The following SERPINA9 variants were observed in gnomAD, a reference collection of about 807,000 sequenced individuals.
SERPINA9 encodes the protein serpin A9.
A neutral mutation model predicts 24.5 loss-of-function variants in SERPINA9; 32 were observed. That is an observed-to-expected ratio of 1.30 (90% CI 0.98 to 1.75). The LOEUF (loss-of-function observed/expected upper bound fraction) is 1.75, where lower values mean the gene tolerates loss of function less well. Ranked by LOEUF, SERPINA9 falls within the 40% of genes most tolerant of loss-of-function variation. The pLI, the probability that SERPINA9 is intolerant of heterozygous loss-of-function variation, is 0.00. For synonymous variants in SERPINA9, 233 were observed against 197.7 expected (o/e 1.18, Z -1.50); for missense variants, 594 against 497.1 (o/e 1.19, Z -1.85).
At chr14:94,464,131 A>G (rs993437616) in intron 4 of SERPINA9, among the ~76,000 whole-genome samples, 11 of 152,154 alleles carry the variant, frequency 7.2e-5, no homozygotes, top group Non-Finnish European at 2.9e-5. Flanking sequence ...TAAAAGGGGC[A>G]CTCATAGCTC....
chr14:94,469,573 T>C lies in SERPINA9; in HGVS notation c.268A>G (p.Thr90Ala). 1 of 1,614,056 alleles carries C rather than the reference T, an allele frequency of 6.2e-7. No homozygotes were observed. Among genetic ancestry groups the C allele is most frequent in the Non-Finnish European group, 8.5e-7 (1 of 1,179,992 alleles). ...AMLSLGAHSV[T>A]KTQILQGLGF... ...AGGCCCTGGAGAATCTGGGTCTTGGTGACTGAGTGGGCCCCAAGGGAGAGC... is the reference window on the plus strand; with the variant it reads ...AGGCCCTGGAGAATCTGGGTCTTGGCGACTGAGTGGGCCCCAAGGGAGAGC... Residue 90 changes from threonine (T) to alanine (A), a missense_variant, in exon 2 of 5, where the codon ACC becomes GCC. Coordinates refer to ENST00000674397, the MANE Select transcript of SERPINA9 (RefSeq NM_175739.4).
At chr14:94,464,010 G>C (rs556864984) in intron 4 of SERPINA9, among the ~76,000 whole-genome samples, 2 of 152,246 alleles carry the variant, frequency 1.3e-5, no homozygotes, top group East Asian at 3.9e-4. Context: ...TTTAGGTCAG[G>C]GATCAGTAAC....
intron 4 of SERPINA9, among the ~76,000 whole-genome samples, chr14:94,463,914 C>G (rs951236555): frequency 5.3e-5 from 8 of 152,202 alleles, no homozygotes; most frequent in Admixed American, 3.3e-4. Context: ...AGTGGGGCCT[C>G]TCAACATTTT....
At chr14:94,466,563 GC>G (rs1483948870) in intron 3 of SERPINA9, among the ~76,000 whole-genome samples, 1 of 152,088 alleles carries the variant, frequency 6.6e-6, no homozygotes, top group Non-Finnish European at 1.5e-5. Context: ...TAATCTTTTT[GC>G]TATTCTCCAT....
At chr14:94,470,063 G>T (rs1417145273) in intron 1 of SERPINA9, 4 of 660,934 alleles carry the variant, frequency 6.1e-6, no homozygotes, top group Non-Finnish European at 6.6e-6. Context: ...GAGTAAACAG[G>T]CCACAGAGAG....
At chr14:94,464,935 A>G in intron 3 of SERPINA9, 81 bp from the exon 4 acceptor site, 1 of 1,214,454 alleles carries the variant, frequency 8.2e-7, no homozygotes, top group Non-Finnish European at 1.1e-6. Flanking sequence ...ATTTTGGGAG[A>G]CTCCGTTCTT....
chr14:94,476,151 T>G lies in SERPINA9; in HGVS notation c.-33A>C, dbSNP rs768580405. 1.2e-6 allele frequency: 2 copies of G among 1,614,094 alleles called. No individual in the cohort carries two copies. The highest frequency in any genetic ancestry group is 2.7e-5 in the African/African-American group (2 of 74,930). On this transcript the variant is annotated 5_prime_UTR_variant, in exon 1 of 5. Coordinates refer to ENST00000674397, the MANE Select transcript of SERPINA9 (RefSeq NM_175739.4). ...CCTTACCCACCTTTGCAGGTTCCTC[T>G]TCTCCTGCCCTGTCCTTGCATGGTT...
intron 2 of SERPINA9, 22 bp downstream of exon 2, chr14:94,469,191 A>T: frequency 6.3e-7 from 1 of 1,581,846 alleles, no homozygotes; most frequent in Non-Finnish European, 8.6e-7. Flanking sequence ...AATAAATAAA[A>T]ATCAACTTCT....
At chr14:94,468,706 A>G (rs530442848) in intron 2 of SERPINA9, among the ~76,000 whole-genome samples, 1 of 152,208 alleles carries the variant, frequency 6.6e-6, no homozygotes, top group Non-Finnish European at 1.5e-5. Context: ...CTACATCTAT[A>G]TCTATATCTA....
chr14:94,465,944 C>G (rs907770663), intron 3 of SERPINA9, among the ~76,000 whole-genome samples: 1 of 152,158 alleles, frequency 6.6e-6, no homozygotes, highest in Non-Finnish European at 1.5e-5. Flanking sequence ...CTCACAGCAA[C>G]GAAAGCACAA....
At chr14:94,475,676 C>T (rs561620596) in intron 1 of SERPINA9, among the ~76,000 whole-genome samples, 3 of 152,252 alleles carry the variant, frequency 2.0e-5, no homozygotes, top group South Asian at 2.1e-4. Context: ...AGTATCTCTT[C>T]TCTCCATCTC....
At chr14:94,471,872 G>A (rs2139817318) in intron 1 of SERPINA9, among the ~76,000 whole-genome samples, 1 of 152,040 alleles carries the variant, frequency 6.6e-6, no homozygotes, top group South Asian at 2.1e-4. Context: ...GCAAGCCCCA[G>A]CTTCTCTCCA....
Position 94,463,122 on chromosome 14 carries a change from C to T in SERPINA9, c.1225G>A (p.Gly409Arg), listed in dbSNP as rs1898819074. The change falls in exon 5 of 5, where the codon GGG becomes AGG. Residue 409 changes from glycine (G) to arginine (R), a missense_variant. Physicochemically the swap from Gly to Arg is moderately radical, Grantham distance 125. Transcript: ENST00000674397. ...NKATDGILFL[G>R]KVENPTKS is the part of the protein sequence containing the mutation. ...GATTTAGTGGGATTTTCCACTTTCCCTAGAAAGAGAATACCGTCTGTGGCT... is the reference window on the plus strand; with the variant it reads ...GATTTAGTGGGATTTTCCACTTTCCTTAGAAAGAGAATACCGTCTGTGGCT... 3 of 1,614,170 alleles carry T rather than the reference C, an allele frequency of 1.9e-6. No homozygotes were observed. Among genetic ancestry groups the T allele is most frequent in the Non-Finnish European group, 2.5e-6 (3 of 1,179,988 alleles).
At position 94,473,144 on chromosome 14, in the gene SERPINA9, C is replaced by T. The variant is rs181134317; in HGVS notation, c.-18+2992G>A. ...TTCCTGTCCTCCTTCCCCCTTCCCCCACCAGCACGGAAAAGTGCCCAATGT... is the reference window on the plus strand; with the variant it reads ...TTCCTGTCCTCCTTCCCCCTTCCCCTACCAGCACGGAAAAGTGCCCAATGT... On this transcript the variant is annotated intron_variant, in intron 1 of 4. Transcript: ENST00000674397. Among the ~76,000 whole-genome samples, 418 of 152,326 alleles carry T rather than the reference C, an allele frequency of 2.7e-3. 2 individuals carry two copies. The highest frequency in any genetic ancestry group is 9.7e-3 in the African/African-American group (402 of 41,578).
rs755268578 is a variant in SERPINA9, at chr14:94,467,424, A to G, written c.629-42T>C. 11 of 1,538,958 alleles carry G rather than the reference A, an allele frequency of 7.1e-6. No homozygotes were observed. In the East Asian group the frequency reaches 2.3e-4, roughly 32 times the overall value. ...AAAGAAGTCTTTATGTCAAAGTACA[A>G]TTAGTGAGGCAAAGACAGCAAACTG... On this transcript the variant is annotated intron_variant, in intron 2 of 4. Transcript: ENST00000674397.
rs1898915505 is a variant in SERPINA9, at chr14:94,464,744, GA to G, written c.1012del (p.Ser338LeufsTer38). On this transcript the variant is annotated frameshift_variant, in exon 4 of 5. Coordinates refer to ENST00000674397, the MANE Select transcript of SERPINA9 (RefSeq NM_175739.4). LOFTEE classifies it low-confidence loss of function (END_TRUNC). Reference protein sequence around the residue: ...QNVFDKNADFSGIAKRDSLQV... With the variant: ...QNVFDKNADFXGIAKRDSLQV... Reference sequence around the variant, plus strand: ...CAGGGAGTCTCTCTTTGCAATTCCAGAAAAATCAGCATTTTTGTCAAAGACA... The same window carrying G: ...CAGGGAGTCTCTCTTTGCAATTCCAGAAAATCAGCATTTTTGTCAAAGACA... The G allele has an allele frequency of 6.2e-7, 1 of 1,613,714 alleles. No individual in the cohort carries two copies. Among genetic ancestry groups the G allele is most frequent in the Non-Finnish European group, 8.5e-7 (1 of 1,179,748 alleles).
chr14:94,464,321 T>A (rs2139795631), intron 4 of SERPINA9: 60 of 200,994 alleles, frequency 3.0e-4, no homozygotes, highest in Middle Eastern at 1.6e-3. Flanking sequence ...CTCTCTCTCC[T>A]TACACACTGA....
intron 1 of SERPINA9, 83 bp downstream of exon 1, chr14:94,476,053 T>C: frequency 1.3e-6 from 2 of 1,599,984 alleles, no homozygotes; most frequent in Non-Finnish European, 1.7e-6. Context: ...CATTTGACAC[T>C]GAAGACCATG....
At position 94,471,629 on chromosome 14, in the gene SERPINA9, T is replaced by A. The variant is rs186917435; in HGVS notation, c.-17-1772A>T. Among the ~76,000 whole-genome samples the A allele has an allele frequency of 2.0e-3, 311 of 152,324 alleles. 2 individuals are homozygous for A. The highest frequency in any genetic ancestry group is 7.2e-3 in the African/African-American group (300 of 41,576). ...TTTGTATTTGCCTGTTTGACTAAAG[T>A]GGAATTTTCTTTCTAAGTTACATTC... On this transcript the variant is annotated intron_variant, in intron 1 of 4. Transcript: ENST00000674397.
Sources: allele counts gnomAD v4.1 joint callset (sites outside exome capture counted in the v4.1 genomes callset), GRCh38; gene constraint gnomAD v4.1.1; transcripts MANE v1.5; gene names NCBI Gene and HGNC (gene_info 2026-07-23, HGNC 2026-07-21).